CSMD1: variants seen among roughly 807,000 people sequenced by gnomAD.
The protein encoded by CSMD1 is CUB and Sushi multiple domains 1, also known as CUB and sushi domain-containing protein 1.
CSMD1 carries 213 observed loss-of-function variants against 417.5 expected under a neutral mutation model. The ratio of observed to expected loss-of-function variants is 0.51; its 90% CI spans 0.46 to 0.57. The LOEUF (loss-of-function observed/expected upper bound fraction) is 0.57. CSMD1 is among the 20% of genes least tolerant of loss of function. The pLI is 0.00. For missense variants in CSMD1, 6,923 were observed against 4,529.7 expected (o/e 1.53, Z -15.17); for synonymous variants, 2,862 against 1,736.8 (o/e 1.65, Z -16.11).
intron 3 of CSMD1, among the ~76,000 whole-genome samples, chr8:4,308,575 A>G (rs1422271938): frequency 5.3e-5 from 8 of 152,208 alleles, no homozygotes; most frequent in South Asian, 2.1e-4. Context: ...CTGTGCTCTT[A>G]CAGGAAATGC....
chr8:3,503,018 T>G (rs952704401), intron 10 of CSMD1, among the ~76,000 whole-genome samples: 1 of 152,156 alleles, frequency 6.6e-6, no homozygotes, highest in Non-Finnish European at 1.5e-5. Context: ...AAACTATGTC[T>G]TCTGATCAAT....
intron 2 of CSMD1, among the ~76,000 whole-genome samples, chr8:4,543,582 G>A (rs1315683169): frequency 7.0e-6 from 1 of 142,702 alleles, no homozygotes; most frequent in African/African-American, 2.6e-5. Flanking sequence ...AAACGTTCAT[G>A]CACAGGTTTT....
In CSMD1 at chr8:4,355,886, C is replaced by A. The variant is rs182282737; in HGVS notation, c.415+64067G>T. Among the ~76,000 whole-genome samples the A allele has an allele frequency of 2.0e-5, 3 of 152,272 alleles. No individual in the cohort carries two copies. The East Asian group carries it at 5.8e-4, about 29-fold the overall frequency. The stretch of plus-strand genomic sequence containing the variant: ...TGGGAACCAGGCCTTGCCATTTAAA[C>A]AGCGCAGGTGAGTCTCATGATTTGA... On this transcript the variant is annotated intron_variant, in intron 3 of 69. Coordinates refer to ENST00000635120, the MANE Select transcript of CSMD1 (RefSeq NM_033225.6).
intron 3 of CSMD1, among the ~76,000 whole-genome samples, chr8:4,366,135 G>C (rs1802055428): frequency 6.6e-6 from 1 of 152,032 alleles, no homozygotes; most frequent in East Asian, 1.9e-4. Context: ...TTGTGTCACT[G>C]TCTTCAGTGT....
intron 3 of CSMD1, among the ~76,000 whole-genome samples, chr8:4,160,394 T>C (rs956069866): frequency 2.6e-5 from 4 of 152,186 alleles, no homozygotes; most frequent in African/African-American, 9.6e-5. Context: ...TATGTTGACA[T>C]ATATATACGC....
intron 3 of CSMD1, among the ~76,000 whole-genome samples, chr8:4,200,730 T>C (rs1432220885): frequency 2.6e-5 from 4 of 152,110 alleles, no homozygotes; most frequent in Non-Finnish European, 4.4e-5. Flanking sequence ...GACATGGTTG[T>C]GTGTATCTGT....
At chr8:4,636,203 G>C (rs1327894091) in intron 2 of CSMD1, among the ~76,000 whole-genome samples, 5 of 151,940 alleles carry the variant, frequency 3.3e-5, no homozygotes, top group South Asian at 4.1e-4. Flanking sequence ...AGTTAATTTT[G>C]TTAGGAAAAT....
chr8:4,724,901 A>G (rs866812596), intron 1 of CSMD1, among the ~76,000 whole-genome samples: 9 of 152,118 alleles, frequency 5.9e-5, no homozygotes, highest in Admixed American at 2.0e-4. Context: ...TATGAATGAA[A>G]CAAATCATAC....
chr8:4,301,176 G>A (rs181273867), intron 3 of CSMD1, among the ~76,000 whole-genome samples: 211 of 152,220 alleles, frequency 1.4e-3, no homozygotes, highest in African/African-American at 4.6e-3. Context: ...AACGCTCTGG[G>A]GCAGCTCTCC....
At chr8:3,020,534 A>G (rs1156289793) in intron 51 of CSMD1, among the ~76,000 whole-genome samples, 1 of 151,834 alleles carries the variant, frequency 6.6e-6, no homozygotes, top group East Asian at 1.9e-4. Flanking sequence ...TCAGCTATTT[A>G]TTTTTTTAAT....
chr8:3,949,662 G>C (rs1361827350), intron 5 of CSMD1, among the ~76,000 whole-genome samples: 1 of 152,106 alleles, frequency 6.6e-6, no homozygotes, highest in Non-Finnish European at 1.5e-5. Context: ...CAACGAGGAT[G>C]AGAGAAAGGA....
intron 2 of CSMD1, among the ~76,000 whole-genome samples, chr8:4,583,013 C>T (rs1008455087): frequency 7.2e-5 from 11 of 152,186 alleles, no homozygotes; most frequent in East Asian, 1.9e-4. Flanking sequence ...CCAGCAGTGC[C>T]AGCCCACCGG....
chr8:4,741,802 C>G (rs893308345), intron 1 of CSMD1, among the ~76,000 whole-genome samples: 2 of 151,912 alleles, frequency 1.3e-5, no homozygotes, highest in African/African-American at 4.8e-5. Flanking sequence ...TAAACAGTGC[C>G]CTGGTGATTC....
intron 5 of CSMD1, among the ~76,000 whole-genome samples, chr8:3,926,314 T>A (rs1809723204): frequency 6.6e-6 from 1 of 152,216 alleles, no homozygotes; most frequent in African/African-American, 2.4e-5. Context: ...CCTTATAACT[T>A]TTCAATCTAT....
At chr8:3,586,064 A>G in intron 9 of CSMD1, 72 bp downstream of exon 9, 1 of 1,492,512 alleles carries the variant, frequency 6.7e-7, no homozygotes. Flanking sequence ...TCATGCTTAA[A>G]TTGTATATTC....
intron 23 of CSMD1, among the ~76,000 whole-genome samples, chr8:3,337,458 T>C (rs1055854734): frequency 2.0e-5 from 3 of 152,192 alleles, no homozygotes; most frequent in Non-Finnish European, 4.4e-5. Context: ...CTTGCGTTTA[T>C]TTTGATGGCT....
intron 2 of CSMD1, among the ~76,000 whole-genome samples, chr8:4,591,882 G>A (rs989148305): frequency 6.6e-6 from 1 of 152,114 alleles, no homozygotes; most frequent in Middle Eastern, 3.2e-3. Flanking sequence ...GGGACCGGTG[G>A]GGAGGCTGAA....
At chr8:4,062,029 C>A (rs1055349953) in intron 3 of CSMD1, among the ~76,000 whole-genome samples, 2 of 152,106 alleles carry the variant, frequency 1.3e-5, no homozygotes, top group African/African-American at 4.8e-5. Context: ...GGAGAGCACG[C>A]AGGTGGTGAA....
intron 6 of CSMD1, among the ~76,000 whole-genome samples, chr8:3,711,874 A>G (rs920405955): frequency 2.0e-5 from 3 of 152,204 alleles, no homozygotes; most frequent in African/African-American, 7.2e-5. Context: ...CTCAACGCAA[A>G]TGTCACTCAC....
Sources: allele counts gnomAD v4.1 joint callset (sites outside exome capture counted in the v4.1 genomes callset), GRCh38; gene constraint gnomAD v4.1.1; transcripts MANE v1.5; gene names NCBI Gene and HGNC (gene_info 2026-07-23, HGNC 2026-07-21).